The following NRP2 variants were observed in gnomAD, a reference collection of about 807,000 sequenced individuals.
The protein encoded by NRP2 is neuropilin-2.
NRP2 carries 52 observed loss-of-function variants against 110.4 expected under a neutral mutation model. The observed-to-expected ratio is 0.47, with a 90% CI of 0.38 to 0.59. The LOEUF (loss-of-function observed/expected upper bound fraction) is 0.59, where lower values mean the gene tolerates loss of function less well. Among genes scored for constraint, NRP2 ranks in the 20% least tolerant of loss-of-function variants. NRP2 has a pLI of 0.00. For missense variants in NRP2, 1,049 were observed against 1,203.0 expected (o/e 0.87, Z 1.89); for synonymous variants, 508 against 468.9 (o/e 1.08, Z -1.08).
chr2:205,773,514 A>G (rs1254435059), intron 15 of NRP2, among the ~76,000 whole-genome samples: 2 of 152,206 alleles, frequency 1.3e-5, no homozygotes, highest in Non-Finnish European at 2.9e-5. Context: ...AAGGATAAGT[A>G]GAGAAGGAGA....
intron 15 of NRP2, among the ~76,000 whole-genome samples, chr2:205,788,151 CT>C (rs1417607559): frequency 6.6e-6 from 1 of 152,120 alleles, no homozygotes; most frequent in Non-Finnish European, 1.5e-5. Flanking sequence ...TGAATCATGC[CT>C]CACCGTGTAC....
chr2:205,790,859 G>C (rs1053489020), intron 15 of NRP2, among the ~76,000 whole-genome samples: 2 of 152,192 alleles, frequency 1.3e-5, no homozygotes, highest in Non-Finnish European at 2.9e-5. Flanking sequence ...GCCACTTGCT[G>C]TGCTTTAAAC....
intron 7 of NRP2, among the ~76,000 whole-genome samples, chr2:205,738,202 C>T (rs931673909): frequency 4.1e-4 from 63 of 152,168 alleles, no homozygotes; most frequent in Non-Finnish European, 1.2e-4. Flanking sequence ...TCCAATTATG[C>T]ATTCACGTGA....
intron 15 of NRP2, among the ~76,000 whole-genome samples, chr2:205,786,189 G>A (rs1386006705): frequency 6.6e-6 from 1 of 152,188 alleles, no homozygotes; most frequent in Non-Finnish European, 1.5e-5. Context: ...GGTGGGGAAG[G>A]CGGACCTTCA....
At chr2:205,765,400 G>T in intron 13 of NRP2, 74 bp from the exon 14 acceptor site, 1 of 1,275,084 alleles carries the variant, frequency 7.8e-7, no homozygotes, top group South Asian at 1.2e-5. Context: ...GCAGCTAACA[G>T]AAACTTGGAA....
intron 7 of NRP2, among the ~76,000 whole-genome samples, chr2:205,739,173 G>C (rs1428294745): frequency 6.6e-6 from 1 of 152,130 alleles, no homozygotes; most frequent in African/African-American, 2.4e-5. Context: ...CATGCCTGGA[G>C]ACTTTAAGGG....
chr2:205,766,878 G>T (rs2057930401), intron 15 of NRP2, 75 bp downstream of exon 15: 3 of 1,267,516 alleles, frequency 2.4e-6, no homozygotes, highest in African/African-American at 1.5e-5. Flanking sequence ...TGAATTTGAT[G>T]GGGGGAATCA....
At position 205,710,633 on chromosome 2, in the gene NRP2, A is replaced by G. The variant is rs370598714; in HGVS notation, c.252-5560A>G. On this transcript the variant is annotated intron_variant, in intron 2 of 16. Coordinates refer to ENST00000357785, the MANE Select transcript of NRP2 (RefSeq NM_003872.3). The stretch of plus-strand genomic sequence containing the variant: ...CCTAAGGAGCAGGTGGCCTGGCTTC[A>G]GGCCTGAACCGACCAGAGACCTCAG... 6.9e-4 allele frequency among the ~76,000 whole-genome samples: 105 copies of G among 152,340 alleles called. 1 individual carries two copies. In the South Asian group the frequency reaches 0.021, roughly 31 times the overall value.
At chr2:205,751,589 T>A (rs1395092264) in intron 11 of NRP2, among the ~76,000 whole-genome samples, 1 of 152,140 alleles carries the variant, frequency 6.6e-6, no homozygotes, top group Non-Finnish European at 1.5e-5. Context: ...AAACATTAAA[T>A]ATCCTGTCCT....
At position 205,686,218 on chromosome 2, in the gene NRP2, CCCTCCTCCT is replaced by C. The variant is rs147331324; in HGVS notation, c.73+2868_73+2876del. Among the ~76,000 whole-genome samples, 3 of 151,896 alleles carry C rather than the reference CCCTCCTCCT, an allele frequency of 2.0e-5. No homozygotes were observed. Among genetic ancestry groups the C allele is most frequent in the African/African-American group, 4.8e-5 (2 of 41,356 alleles). On this transcript the variant is annotated intron_variant, in intron 1 of 16. Transcript: ENST00000357785. This position sits in a 1 kb window ranked among gnomAD's most constrained non-coding sequence, Gnocchi z 4.7. The stretch of plus-strand genomic sequence containing the variant: ...CGCCTCCAACTACTCCATGCTTGTG[CCCTCCTCCT>C]CCTCCTCCTCCTAAGGACACCCCCA...
At chr2:205,737,342 C>G (rs929261782) in intron 7 of NRP2, among the ~76,000 whole-genome samples, 1 of 152,118 alleles carries the variant, frequency 6.6e-6, no homozygotes, top group Non-Finnish European at 1.5e-5. Context: ...AAAAGTCATG[C>G]GAAGAAAGGT....
rs189377714 is a variant in NRP2 at position 205,765,379 on chromosome 2, C to T, written c.2308-95C>T. The T allele has an allele frequency of 8.4e-4, 833 of 988,326 alleles. 6 individuals carry two copies. The highest frequency in any genetic ancestry group is 2.1e-3 in the Middle Eastern group (10 of 4,862). The allele number at this position is 988,326 out of a possible 1,614,324, so 61.2% of individuals were successfully genotyped here. Reference sequence around the variant, plus strand: ...ACACACACACACACATACACACACACGCTTTAAGCTGCAGCTAACAGAAAC... The same window carrying T: ...ACACACACACACACATACACACACATGCTTTAAGCTGCAGCTAACAGAAAC... On this transcript the variant is annotated intron_variant, in intron 13 of 16. Coordinates refer to ENST00000357785, the MANE Select transcript of NRP2 (RefSeq NM_003872.3).
chr2:205,704,707 A>G (rs993901912), intron 2 of NRP2, among the ~76,000 whole-genome samples: 20 of 152,256 alleles, frequency 1.3e-4, no homozygotes, highest in Admixed American at 2.6e-4. Flanking sequence ...GAGTGTTGCA[A>G]TTGTAACTGT....
At chr2:205,721,607 C>G (rs2057013726) in intron 3 of NRP2, among the ~76,000 whole-genome samples, 2 of 152,256 alleles carry the variant, frequency 1.3e-5, no homozygotes, top group East Asian at 3.9e-4. Context: ...TGTTCCTGCT[C>G]CTGCTGCCAT....
At chr2:205,751,611 G>A (rs902961371) in intron 11 of NRP2, among the ~76,000 whole-genome samples, 4 of 152,096 alleles carry the variant, frequency 2.6e-5, no homozygotes, top group Non-Finnish European at 5.9e-5. Context: ...GAAAGGGAAG[G>A]CATTTACAGG....
intron 1 of NRP2, among the ~76,000 whole-genome samples, chr2:205,693,934 TA>T (rs2105879082): frequency 1.3e-5 from 2 of 152,388 alleles, no homozygotes; most frequent in South Asian, 4.1e-4. Flanking sequence ...AAGTTCAGGT[TA>T]TCCAGTGTTC....
Position 205,723,813 on chromosome 2 carries a change from G to C in NRP2, c.693G>C (p.Gly231=), listed in dbSNP as rs774523900. The change falls in exon 5 of 17, where the codon GGG becomes GGC. Residue 231 remains glycine, a synonymous_variant. Coordinates refer to ENST00000357785, the MANE Select transcript of NRP2 (RefSeq NM_003872.3). ...HVGPLIGKYC[G]TKTPSELRSS... ...GCCCCCTGATTGGCAAGTACTGTGGGACCAAAACACCCTCTGAACTTCGTT... is the reference window on the plus strand; with the variant it reads ...GCCCCCTGATTGGCAAGTACTGTGGCACCAAAACACCCTCTGAACTTCGTT... 3 of 1,614,180 alleles carry C rather than the reference G, an allele frequency of 1.9e-6. No homozygotes were observed. The South Asian group carries it at 3.3e-5, about 18-fold the overall frequency.
At chr2:205,784,942 C>G (rs1264329753) in intron 15 of NRP2, among the ~76,000 whole-genome samples, 1 of 152,186 alleles carries the variant, frequency 6.6e-6, no homozygotes, top group African/African-American at 2.4e-5. Context: ...TAATTACGGT[C>G]CTTGGCCACC....
At chr2:205,688,975 A>T (rs1365237242) in intron 1 of NRP2, among the ~76,000 whole-genome samples, 1 of 152,214 alleles carries the variant, frequency 6.6e-6, no homozygotes, top group Non-Finnish European at 1.5e-5. Context: ...CACAGGAAAG[A>T]GGGCCAGGAT....
Sources: allele counts gnomAD v4.1 joint callset (sites outside exome capture counted in the v4.1 genomes callset), GRCh38; gene constraint gnomAD v4.1.1; non-coding constraint Gnocchi (gnomAD v3.1); transcripts MANE v1.5; gene names NCBI Gene and HGNC (gene_info 2026-07-23, HGNC 2026-07-21).